CCDC159: variants seen among roughly 807,000 people sequenced by gnomAD.
CCDC159 encodes the protein coiled-coil domain containing 159, also known as coiled-coil domain-containing protein 159.
In CCDC159, 40 loss-of-function variants were observed where a neutral mutation model predicts 50.9. The ratio of observed to expected loss-of-function variants is 0.79; its 90% confidence interval spans 0.61 to 1.02. The LOEUF (loss-of-function observed/expected upper bound fraction) is 1.02, where lower values mean the gene tolerates loss of function less well. Ranked by LOEUF, CCDC159 falls within the 50% of genes least tolerant of loss-of-function variation. CCDC159 has a pLI of 0.00. For missense variants in CCDC159, 356 were observed against 371.5 expected, an observed-to-expected ratio of 0.96 and a Z score of 0.34; for synonymous variants, 146 against 138.9, an observed-to-expected ratio of 1.05 and a Z score of -0.36.
rs774205788 is a variant in CCDC159, at chr19:11,353,788, G to T, written c.690-4G>T. The T allele has an allele frequency of 1.3e-6, 2 of 1,592,596 alleles. No homozygotes were observed. Among genetic ancestry groups the T allele is most frequent in the Admixed American group, 3.5e-5 (2 of 56,484 alleles). On this transcript the variant is annotated splice_region_variant and splice_polypyrimidine_tract_variant and intron_variant, in intron 8 of 10. Transcript: ENST00000458408. The stretch of plus-strand genomic sequence containing the variant: ...AGCGCCCCCAGCTCCTTGTCTTCTT[G>T]CAGGTCTGCTGTGCACGTGCTGCAG...
At position 11,351,945 on chromosome 19, in the gene CCDC159, G is replaced by A. The variant is rs1967608979; in HGVS notation, c.462G>A (p.Glu154=). The A allele has an allele frequency of 5.6e-6, 9 of 1,606,026 alleles. No homozygotes were observed. Among genetic ancestry groups the A allele is most frequent in the Admixed American group, 1.7e-5 (1 of 58,600 alleles). The change falls in exon 6 of 11, where the codon GAG becomes GAA. Residue 154 remains glutamate (E), a synonymous_variant. Coordinates refer to ENST00000458408, the MANE Select transcript of CCDC159 (RefSeq NM_001080503.3). The part of the protein sequence containing the change: ...FLWEELELVR[E]EVTFIYQKLQ... ...GGGAGGAGCTGGAACTGGTGCGGGA[G>A]GAGGTGACCTTCATCTATCAGAAGC...
At position 11,346,606 on chromosome 19, in the gene CCDC159, G is replaced by A. The variant is rs1479810934; in HGVS notation, c.-1G>A. ...GCTGAGGACTGGCTTCGTGGTCCCT[G>A]ATGGGAGAGCATGAACAGGTGGTAT... On this transcript the variant is annotated 5_prime_UTR_variant, in exon 1 of 11. Coordinates refer to ENST00000458408, the MANE Select transcript of CCDC159 (RefSeq NM_001080503.3). 1 of 1,551,480 alleles carries A rather than the reference G, an allele frequency of 6.4e-7. No individual in the cohort carries two copies. The highest frequency in any genetic ancestry group is 8.7e-7 in the Non-Finnish European group (1 of 1,146,954).
chr19:11,352,041 C>G lies in CCDC159; in HGVS notation c.491-16C>G, dbSNP rs762302921. The G allele has an allele frequency of 4.3e-6, 7 of 1,613,262 alleles. No homozygotes were observed. In the East Asian group the frequency reaches 1.6e-4, roughly 36 times the overall value. On this transcript the variant is annotated splice_polypyrimidine_tract_variant and intron_variant, in intron 6 of 10. Transcript: ENST00000458408. ...CTTCTTCAGCCTTTGTCCGCCTGAG[C>G]CCCCTCCCTCCACAGAAGCGCAGGA...
At chr19:11,348,743 C>T (rs1317248514) in intron 1 of CCDC159, 2 of 500,868 alleles carry the variant, frequency 4.0e-6, no homozygotes, top group South Asian at 1.5e-5. Flanking sequence ...TGCTTCCCTA[C>T]TCACAGCGAC....
chr19:11,346,654 C>T (rs1967247921), intron 1 of CCDC159, 27 bp downstream of exon 1: 2 of 1,550,952 alleles, frequency 1.3e-6, no homozygotes, highest in Admixed American at 2.0e-5. Flanking sequence ...GTTCTGGAGC[C>T]TGGCGGGTGT....
rs1338886041 is a variant in CCDC159, at chr19:11,350,140, C to T, written c.167C>T (p.Ser56Leu). 1 of 1,613,466 alleles carries T rather than the reference C, an allele frequency of 6.2e-7. No homozygotes were observed. The highest frequency in any genetic ancestry group is 1.1e-5 in the South Asian group (1 of 91,018). ...CAGGCTTTCGAGTTCCTGAACCACT[C>T]AGTGACCATGTTGGAGAAGGAGAGC... Reference protein sequence around the residue: ...QTKAFEFLNHSVTMLEKESCL... With the variant: ...QTKAFEFLNHLVTMLEKESCL... Residue 56 changes from serine (S) to leucine (L), a missense_variant, in exon 4 of 11, where the codon TCA becomes TTA. Coordinates refer to ENST00000458408, the MANE Select transcript of CCDC159 (RefSeq NM_001080503.3).
chr19:11,348,159 T>C (rs1366459193), intron 1 of CCDC159: 62 of 456,562 alleles, frequency 1.4e-4, no homozygotes, highest in Non-Finnish European at 1.8e-4. Flanking sequence ...AGGAAAGGCC[T>C]TCCTTTAAGC....
chr19:11,347,414 T>C (rs1599376146), intron 1 of CCDC159, among the ~76,000 whole-genome samples: 1 of 152,200 alleles, frequency 6.6e-6, no homozygotes, highest in South Asian at 2.1e-4. Context: ...CACTGCAACC[T>C]CCGCCTCTGA....
chr19:11,348,976 G>A (rs752954637), intron 1 of CCDC159: 5 of 1,340,766 alleles, frequency 3.7e-6, no homozygotes, highest in East Asian at 4.7e-5. Context: ...GCTCTTCCTC[G>A]GACAAGGCTC....
rs1377368972 is a variant in CCDC159, at chr19:11,351,888, G to A, written c.423-18G>A. The stretch of plus-strand genomic sequence containing the variant: ...GGCCAGGCAGGGAGTGCAGGTCTAG[G>A]CTGCACTGTCCCCTCAGCAAGAAGT... On this transcript the variant is annotated intron_variant, in intron 5 of 10. Coordinates refer to ENST00000458408, the MANE Select transcript of CCDC159 (RefSeq NM_001080503.3). The A allele has an allele frequency of 1.3e-6, 2 of 1,577,874 alleles. No homozygotes were observed. Among genetic ancestry groups the A allele is most frequent in the African/African-American group, 2.7e-5 (2 of 73,912 alleles).
intron 4 of CCDC159, among the ~76,000 whole-genome samples, chr19:11,350,488 A>G (rs1437266423): frequency 1.3e-5 from 2 of 150,898 alleles, no homozygotes; most frequent in Non-Finnish European, 1.5e-5. Context: ...CCCCATCTCT[A>G]CTAACAATAC....
intron 1 of CCDC159, chr19:11,348,273 G>A: frequency 5.0e-6 from 2 of 396,712 alleles, no homozygotes. Context: ...CTTGGGGCTG[G>A]GATAATCTTT....
chr19:11,348,087 A>G (rs773065959), intron 1 of CCDC159: 2 of 453,694 alleles, frequency 4.4e-6, no homozygotes, highest in South Asian at 3.1e-5. Flanking sequence ...GCCATCATGA[A>G]TTTACCAGCA....
At position 11,354,592 on chromosome 19, in the gene CCDC159, A is replaced by C. The variant is rs187734834; in HGVS notation, c.785A>C (p.His262Pro). 1.3e-6 allele frequency: 2 copies of C among 1,587,308 alleles called. No individual in the cohort carries two copies. ...KASSLRGHKG[H>P]QCLSPPLPSW... is the part of the protein sequence containing the mutation. ...GTCCCTCCTGCAGGCCACAAGGGGC[A>C]CCAGTGCCTGAGCCCTCCACTCCCC... The change falls in exon 10 of 11, where the codon CAC becomes CCC. Residue 262 changes from histidine to proline, a missense_variant. Physicochemically the swap from His to Pro is moderately conservative, Grantham distance 77. Coordinates refer to ENST00000458408, the MANE Select transcript of CCDC159 (RefSeq NM_001080503.3).
intron 1 of CCDC159, among the ~76,000 whole-genome samples, chr19:11,347,626 A>G (rs2144615367): frequency 6.6e-6 from 1 of 152,316 alleles, no homozygotes; most frequent in African/African-American, 2.4e-5. Context: ...CACCGTGCCC[A>G]GCCTGAGTAG....
chr19:11,353,514 C>G lies in CCDC159; in HGVS notation c.631C>G (p.Pro211Ala), dbSNP rs779235621. The change falls in exon 8 of 11, where the codon CCG (proline) becomes GCG (alanine). Residue 211 changes from proline to alanine, a missense_variant. Transcript: ENST00000458408. ...TAACPETEEIPQGASGCWKDD... is the reference protein window; with the variant it reads ...TAACPETEEIAQGASGCWKDD... The stretch of plus-strand genomic sequence containing the variant: ...CGCCTGTCCGGAGACTGAAGAGATA[C>G]CGCAGGGAGCCAGTGGCTGCTGGAA... 6.2e-7 allele frequency: 1 copy of G among 1,612,890 alleles called. No individual in the cohort carries two copies. Among genetic ancestry groups the G allele is most frequent in the East Asian group, 2.2e-5 (1 of 44,840 alleles).
intron 1 of CCDC159, among the ~76,000 whole-genome samples, chr19:11,348,571 G>T (rs1217957851): frequency 5.9e-5 from 9 of 152,170 alleles, no homozygotes; most frequent in Admixed American, 2.6e-4. Flanking sequence ...TTACAGGCGT[G>T]AGCCACCATT....
At chr19:11,354,020 G>A in intron 9 of CCDC159, 146 bp downstream of exon 9, 1 of 656,998 alleles carries the variant, frequency 1.5e-6, no homozygotes, top group Non-Finnish European at 2.5e-6. Flanking sequence ...TCACATTAAG[G>A]AGTCACTGGA....
At position 11,354,635 on chromosome 19, in the gene CCDC159, C is replaced by T. The variant is rs374274390; in HGVS notation, c.828C>T (p.Ser276=). The change falls in exon 10 of 11, where the codon TCC becomes TCT. Residue 276 remains serine, a synonymous_variant. Coordinates refer to ENST00000458408, the MANE Select transcript of CCDC159 (RefSeq NM_001080503.3). ...SPPLPSWDSD[S]DCDQDLSQPP... Reference sequence around the variant, plus strand: ...CACTCCCCTCCTGGGACTCTGACTCCGACTGTGACCAGGACCTCTCCCAGC... The same window carrying T: ...CACTCCCCTCCTGGGACTCTGACTCTGACTGTGACCAGGACCTCTCCCAGC... The T allele has an allele frequency of 3.5e-3, 5,598 of 1,605,174 alleles. 21 individuals carry two copies. The highest frequency in any genetic ancestry group is 4.2e-3 in the Non-Finnish European group (4,989 of 1,175,830).
Sources: allele counts gnomAD v4.1 joint callset (sites outside exome capture counted in the v4.1 genomes callset), GRCh38; gene constraint gnomAD v4.1.1; transcripts MANE v1.5; gene names NCBI Gene and HGNC (gene_info 2026-07-23, HGNC 2026-07-21).